TAB2: variants seen among roughly 807,000 people sequenced by gnomAD.
The protein encoded by TAB2 is TGF-beta-activated kinase 1 and MAP3K7-binding protein 2.
In TAB2, 3 loss-of-function variants were observed where a neutral mutation model predicts 65.0. The ratio of observed to expected loss-of-function variants is 0.05; its 90% CI spans 0.02 to 0.12. TAB2 has a LOEUF of 0.12. TAB2 is among the 10% of genes least tolerant of loss of function. The pLI is 1.00. For synonymous variants in TAB2, 298 were observed against 285.1 expected, an observed-to-expected ratio of 1.05 and a Z score of -0.46; for missense variants, 623 against 840.3, an observed-to-expected ratio of 0.74 and a Z score of 3.20.
chr6:149,256,197 G>T (rs12526921), intron 1 of TAB2, among the ~76,000 whole-genome samples: 35,852 of 152,098 alleles, frequency 0.24, 4,343 homozygotes, highest in East Asian at 0.38. Flanking sequence ...ATTGCAAAAT[G>T]ACAATACAAT....
chr6:149,399,270 T>G, intron 6 of TAB2, 86 bp downstream of exon 6: 1 of 942,604 alleles, frequency 1.1e-6, no homozygotes, highest in Non-Finnish European at 1.7e-6. Context: ...CCTTCCTCTC[T>G]AGAATTGCTT....
At chr6:149,304,667 C>T (rs191996836) in intron 1 of TAB2, among the ~76,000 whole-genome samples, 2 of 152,322 alleles carry the variant, frequency 1.3e-5, no homozygotes, top group Admixed American at 1.3e-4. Context: ...ACGCAACACA[C>T]ATCTGATTTC....
At chr6:149,383,331 C>T (rs1781680919) in intron 3 of TAB2, among the ~76,000 whole-genome samples, 1 of 152,186 alleles carries the variant, frequency 6.6e-6, no homozygotes, top group Non-Finnish European at 1.5e-5. Flanking sequence ...AAGCAGGTTT[C>T]TCCAGAATCT....
At chr6:149,403,357 C>T (rs1283732101) in intron 6 of TAB2, among the ~76,000 whole-genome samples, 18 of 142,656 alleles carry the variant, frequency 1.3e-4, no homozygotes, top group African/African-American at 4.3e-4. Context: ...CACACACACA[C>T]ACACACACAC....
At chr6:149,379,587 C>T in intron 3 of TAB2, 69 bp downstream of exon 3, 1 of 1,435,288 alleles carries the variant, frequency 7.0e-7, no homozygotes, top group Non-Finnish European at 9.8e-7. Context: ...GATTTCACAA[C>T]AGAAATGGAT....
intron 1 of TAB2, among the ~76,000 whole-genome samples, chr6:149,225,338 T>G (rs1777246448): frequency 6.6e-6 from 1 of 151,696 alleles, no homozygotes; most frequent in South Asian, 2.1e-4. Flanking sequence ...GGAAGGTACT[T>G]GACTAGCGGG....
chr6:149,357,005 A>G (rs1253185824), intron 1 of TAB2, among the ~76,000 whole-genome samples: 2 of 152,208 alleles, frequency 1.3e-5, no homozygotes, highest in African/African-American at 2.4e-5. Flanking sequence ...CTATTCAATT[A>G]TTTCATTCAC....
At chr6:149,259,773 T>C (rs1359651247) in intron 1 of TAB2, among the ~76,000 whole-genome samples, 24 of 152,226 alleles carry the variant, frequency 1.6e-4, no homozygotes, top group Admixed American at 1.6e-3. Context: ...ATTTTACAGA[T>C]GAGGAATAAG....
intron 6 of TAB2, among the ~76,000 whole-genome samples, chr6:149,403,518 A>C (rs1782556394): frequency 6.6e-6 from 1 of 151,588 alleles, no homozygotes; most frequent in Non-Finnish European, 1.5e-5. Context: ...TTTTCAACGT[A>C]GTACAGGAAG....
chr6:149,244,895 A>C (rs1223487849), intron 1 of TAB2: 3 of 151,390 alleles, frequency 2.0e-5, no homozygotes, highest in Admixed American at 2.0e-4. Flanking sequence ...AAAAAAAAAA[A>C]CAACAAGATA....
At chr6:149,334,536 G>A (rs756004181) in intron 1 of TAB2, among the ~76,000 whole-genome samples, 13 of 152,090 alleles carry the variant, frequency 8.5e-5, no homozygotes, top group South Asian at 2.1e-4. Context: ...AAACTAACTC[G>A]GCAGGTAAAG....
intron 1 of TAB2, among the ~76,000 whole-genome samples, chr6:149,332,240 A>G (rs1324576052): frequency 2.6e-5 from 4 of 152,166 alleles, no homozygotes; most frequent in East Asian, 3.8e-4. Flanking sequence ...TTCATTCGGT[A>G]TAATGGAATT....
intron 1 of TAB2, among the ~76,000 whole-genome samples, chr6:149,300,013 A>T (rs1015925566): frequency 5.9e-5 from 9 of 151,794 alleles, no homozygotes; most frequent in East Asian, 5.8e-4. Context: ...TAAAAAAGAA[A>T]TTTTTTTTTA....
At chr6:149,250,928 T>C (rs1777845850) in intron 1 of TAB2, among the ~76,000 whole-genome samples, 1 of 152,212 alleles carries the variant, frequency 6.6e-6, no homozygotes, top group Non-Finnish European at 1.5e-5. Flanking sequence ...TAGTTCTGCC[T>C]CTCTTCATTG....
At chr6:149,409,497 C>T in intron 6 of TAB2, 80 bp from the exon 7 acceptor site, 3 of 1,333,434 alleles carry the variant, frequency 2.2e-6, no homozygotes, top group Non-Finnish European at 3.2e-6. Flanking sequence ...CTGTGCACTA[C>T]AAATGGTGTT....
At chr6:149,348,116 G>C (rs1780363160) in intron 1 of TAB2, among the ~76,000 whole-genome samples, 1 of 152,150 alleles carries the variant, frequency 6.6e-6, no homozygotes, top group African/African-American at 2.4e-5. Flanking sequence ...ATGTGGGCCA[G>C]GCACAGTGGC....
At chr6:149,364,212 G>C (rs570727606) in intron 1 of TAB2, among the ~76,000 whole-genome samples, 1 of 152,158 alleles carries the variant, frequency 6.6e-6, no homozygotes, top group African/African-American at 2.4e-5. Flanking sequence ...ATACACACAT[G>C]ATTTCTTGAT....
chr6:149,397,822 C>T, intron 4 of TAB2, 58 bp downstream of exon 4: 2 of 1,598,818 alleles, frequency 1.3e-6, no homozygotes, highest in Admixed American at 1.7e-5. Flanking sequence ...GGCCATCTAA[C>T]ATAAGTGTAA....
intron 1 of TAB2, among the ~76,000 whole-genome samples, chr6:149,359,700 C>T (rs1248560044): frequency 6.6e-6 from 1 of 152,192 alleles, no homozygotes; most frequent in Admixed American, 6.5e-5. Context: ...CCACATATCA[C>T]CACAGTATTT....
Sources: gnomAD v4.1 joint callset for allele counts (sites outside exome capture counted in the v4.1 genomes callset) on GRCh38, gnomAD v4.1.1 for gene constraint, MANE v1.5 for transcripts, NCBI Gene and HGNC (gene_info 2026-07-23, HGNC 2026-07-21) for gene names.